The following ABCA13 variants were observed in gnomAD, a reference collection of about 807,000 sequenced individuals.
ABCA13 encodes the protein ATP-binding cassette sub-family A member 13.
ABCA13 carries 476 observed loss-of-function variants against 478.7 expected under a neutral mutation model. That is an observed-to-expected ratio of 0.99 (90% CI 0.92 to 1.07). The LOEUF is 1.07. ABCA13 is among the 50% of genes least tolerant of loss of function. The pLI is 0.00. For missense variants in ABCA13, 6,060 were observed against 5,910.6 expected (o/e 1.03, Z -0.83); for synonymous variants, 2,252 against 2,158.9 (o/e 1.04, Z -1.20).
chr7:48,261,492 T>C (rs1286755249), intron 15 of ABCA13, among the ~76,000 whole-genome samples: 2 of 151,926 alleles, frequency 1.3e-5, no homozygotes, highest in Admixed American at 6.6e-5. Context: ...CTAGAACTCC[T>C]GTTAGCCATC....
At chr7:48,603,557 C>G (rs918276425) in intron 58 of ABCA13, among the ~76,000 whole-genome samples, 3 of 152,154 alleles carry the variant, frequency 2.0e-5, no homozygotes, top group Non-Finnish European at 2.9e-5. Context: ...TTTGAACCAG[C>G]CTTGCATCCC....
chr7:48,304,690 T>C (rs1800648211), intron 23 of ABCA13, among the ~76,000 whole-genome samples: 1 of 152,168 alleles, frequency 6.6e-6, no homozygotes, highest in Non-Finnish European at 1.5e-5. Context: ...ACCTGGGTGA[T>C]GTGATGGTTC....
chr7:48,537,535 G>C (rs1035982466), intron 55 of ABCA13, among the ~76,000 whole-genome samples: 2 of 152,138 alleles, frequency 1.3e-5, no homozygotes, highest in Non-Finnish European at 2.9e-5. Context: ...CCTGACGCAG[G>C]TAGCCCCTAC....
At chr7:48,512,942 C>T (rs1251798580) in intron 51 of ABCA13, among the ~76,000 whole-genome samples, 2 of 152,160 alleles carry the variant, frequency 1.3e-5, no homozygotes, top group African/African-American at 4.8e-5. Flanking sequence ...GGAAGAAGAG[C>T]CCCCAAGGAA....
intron 3 of ABCA13, among the ~76,000 whole-genome samples, chr7:48,201,296 A>G (rs1798670315): frequency 6.6e-6 from 1 of 152,166 alleles, no homozygotes; most frequent in Non-Finnish European, 1.5e-5. Context: ...AGGAGCCAAG[A>G]TGTTTGATTA....
intron 38 of ABCA13, among the ~76,000 whole-genome samples, chr7:48,396,588 A>G (rs140365636): frequency 6.6e-6 from 1 of 152,290 alleles, no homozygotes; most frequent in Non-Finnish European, 1.5e-5. Flanking sequence ...GGTCTCTGCA[A>G]AGACAAAACC....
chr7:48,217,338 T>A (rs1460038195), intron 3 of ABCA13, among the ~76,000 whole-genome samples: 2 of 152,222 alleles, frequency 1.3e-5, no homozygotes, highest in East Asian at 3.8e-4. Context: ...CCTGTTTGTC[T>A]AAGCAAAAAT....
Position 48,508,004 on chromosome 7 carries a change from C to T in ABCA13, c.13479C>T (p.Gly4493=), listed in dbSNP as rs750422381. The change falls in exon 50 of 62, where the codon GGC becomes GGT. Residue 4493 remains glycine (G), a synonymous_variant. Coordinates refer to ENST00000435803, the MANE Select transcript of ABCA13 (RefSeq NM_152701.5). ...CCAAAAGGTTGCAGCACATAAGTGG[C>T]CTTGGCTACAGGATGTACTGGTTCA... ...IGAKRLQHIS[G]LGYRMYWFTN... The T allele has an allele frequency of 3.7e-6, 6 of 1,613,806 alleles. No homozygotes were observed. In the East Asian group the frequency reaches 1.1e-4, roughly 30 times the overall value.
chr7:48,372,855 G>A (rs993463192), intron 33 of ABCA13, among the ~76,000 whole-genome samples: 1 of 152,064 alleles, frequency 6.6e-6, no homozygotes, highest in Non-Finnish European at 1.5e-5. Flanking sequence ...ATTTTTTCTT[G>A]AAACATTATG....
intron 1 of ABCA13, among the ~76,000 whole-genome samples, chr7:48,173,598 C>A (rs1794447187): frequency 6.6e-6 from 1 of 152,168 alleles, no homozygotes; most frequent in Admixed American, 6.5e-5. Flanking sequence ...GATGTCCCTG[C>A]ACAAATGGGA....
chr7:48,219,583 A>G, intron 4 of ABCA13, 78 bp downstream of exon 4: 4 of 1,518,004 alleles, frequency 2.6e-6, no homozygotes, highest in Non-Finnish European at 3.5e-6. Context: ...ATGAGAACCC[A>G]GAATGCTAAA....
chr7:48,468,073 A>C (rs920363255), intron 44 of ABCA13, among the ~76,000 whole-genome samples: 1 of 152,068 alleles, frequency 6.6e-6, no homozygotes, highest in African/African-American at 2.4e-5. Context: ...CTAGGGCCCC[A>C]TGGGGTCCAG....
Position 48,580,318 on chromosome 7 carries a change from G to A in ABCA13, c.14449G>A (p.Glu4817Lys), listed in dbSNP as rs1788590546. 1 of 1,613,066 alleles carries A rather than the reference G, an allele frequency of 6.2e-7. No homozygotes were observed. The highest frequency in any genetic ancestry group is 8.5e-7 in the Non-Finnish European group (1 of 1,179,570). ...CCTGGACGAGCTTCTGACTGGTTGG[G>A]AACATCTCTATTATTACTGTAGCTT... ...DALDELLTGW[E>K]HLYYYCSLRG... Residue 4817 changes from glutamate (E) to lysine (K), a missense_variant, in exon 56 of 62, where the codon GAA becomes AAA. By Grantham distance (56) the Glu-to-Lys change is moderately conservative. Transcript: ENST00000435803.
At chr7:48,429,398 G>T (rs1821846151) in intron 42 of ABCA13, among the ~76,000 whole-genome samples, 1 of 152,144 alleles carries the variant, frequency 6.6e-6, no homozygotes, top group East Asian at 1.9e-4. Flanking sequence ...AGTATATGAA[G>T]TTTCTAATTT....
chr7:48,388,744 CT>C (rs1339671937), intron 36 of ABCA13, among the ~76,000 whole-genome samples: 1 of 152,208 alleles, frequency 6.6e-6, no homozygotes, highest in African/African-American at 2.4e-5. Flanking sequence ...TGTAACTAAT[CT>C]GCCTGTTGTT....
intron 53 of ABCA13, among the ~76,000 whole-genome samples, chr7:48,520,865 A>G (rs1832496337): frequency 6.6e-6 from 1 of 152,216 alleles, no homozygotes; most frequent in South Asian, 2.1e-4. Context: ...GGTTAATACC[A>G]TAACATTATT....
At chr7:48,223,727 C>T (rs1470375816) in intron 5 of ABCA13, among the ~76,000 whole-genome samples, 4 of 151,896 alleles carry the variant, frequency 2.6e-5, no homozygotes, top group South Asian at 2.1e-4. Flanking sequence ...GAGGCTGAGG[C>T]GGTCCAATCA....
intron 45 of ABCA13, among the ~76,000 whole-genome samples, chr7:48,479,597 T>C (rs1408505659): frequency 6.6e-6 from 1 of 152,198 alleles, no homozygotes; most frequent in African/African-American, 2.4e-5. Flanking sequence ...TGTTGTACAA[T>C]AGATCTCTTG....
chr7:48,176,323 C>T (rs1263515873), intron 1 of ABCA13, among the ~76,000 whole-genome samples: 3 of 152,074 alleles, frequency 2.0e-5, no homozygotes, highest in Non-Finnish European at 4.4e-5. Flanking sequence ...TAGTTTAATA[C>T]GAGGACATCA....
Sources: allele counts gnomAD v4.1 joint callset (sites outside exome capture counted in the v4.1 genomes callset), GRCh38; gene constraint gnomAD v4.1.1; transcripts MANE v1.5; gene names NCBI Gene and HGNC (gene_info 2026-07-23, HGNC 2026-07-21).